The following CTTNBP2NL variants were observed in gnomAD, a reference collection of about 807,000 sequenced individuals.
CTTNBP2NL encodes CTTNBP2 N-terminal-like protein.
In CTTNBP2NL, 16 loss-of-function variants were observed where a neutral mutation model predicts 32.5. The ratio of observed to expected loss-of-function variants is 0.49; its 90% CI spans 0.33 to 0.75. CTTNBP2NL has a LOEUF of 0.75. Among genes scored for constraint, CTTNBP2NL ranks in the 30% least tolerant of loss-of-function variants. The pLI is 0.02. For missense variants in CTTNBP2NL, 645 were observed against 756.0 expected, an observed-to-expected ratio of 0.85 and a Z score of 1.72; for synonymous variants, 298 against 289.4, an observed-to-expected ratio of 1.03 and a Z score of -0.30.
intron 1 of CTTNBP2NL, among the ~76,000 whole-genome samples, chr1:112,408,327 GC>G (rs1648747579): frequency 7.0e-6 from 1 of 142,802 alleles, no homozygotes; most frequent in South Asian, 2.2e-4. Context: ...ACAGGCATAT[GC>G]CACTGCACCC....
At chr1:112,435,385 C>T (rs900479952) in intron 3 of CTTNBP2NL, among the ~76,000 whole-genome samples, 1 of 152,076 alleles carries the variant, frequency 6.6e-6, no homozygotes, top group Admixed American at 6.6e-5. Flanking sequence ...TTATTTACCA[C>T]TATATCCCAG....
At chr1:112,434,207 C>G (rs1394579952) in intron 3 of CTTNBP2NL, among the ~76,000 whole-genome samples, 1 of 152,158 alleles carries the variant, frequency 6.6e-6, no homozygotes, top group Non-Finnish European at 1.5e-5. Flanking sequence ...TGTTAACACC[C>G]AGATTTGTTA....
chr1:112,401,839 A>G (rs965776116), intron 1 of CTTNBP2NL, among the ~76,000 whole-genome samples: 2 of 152,202 alleles, frequency 1.3e-5, no homozygotes, highest in African/African-American at 2.4e-5. Flanking sequence ...CAGAACTTCC[A>G]ATCTAAATGT....
At chr1:112,413,919 G>T (rs1280595273) in intron 2 of CTTNBP2NL, among the ~76,000 whole-genome samples, 2 of 151,698 alleles carry the variant, frequency 1.3e-5, no homozygotes, top group Non-Finnish European at 2.9e-5. Flanking sequence ...ATGATGGCAT[G>T]TGCCTGTAAT....
Position 112,448,990 on chromosome 1 carries a change from A to T in CTTNBP2NL, c.148A>T (p.Ile50Phe). ...TGAAGAACGCTATGGAAAATATAACATCAGTGATCCTTTAATGGCTCTACA... is the reference window on the plus strand; with the variant it reads ...TGAAGAACGCTATGGAAAATATAACTTCAGTGATCCTTTAATGGCTCTACA... ...FIEERYGKYN[I>F]SDPLMALQRD... Residue 50 changes from isoleucine to phenylalanine, a missense_variant, in exon 4 of 6, where the codon ATC becomes TTC. By Grantham distance (21) the Ile-to-Phe change is conservative. Coordinates refer to ENST00000271277, the MANE Select transcript of CTTNBP2NL (RefSeq NM_018704.3). 6.2e-7 allele frequency: 1 copy of T among 1,613,558 alleles called. No homozygotes were observed. The highest frequency in any genetic ancestry group is 1.1e-5 in the South Asian group (1 of 91,070).
At position 112,456,121 on chromosome 1, in the gene CTTNBP2NL, A is replaced by T; in HGVS notation, c.629A>T (p.Glu210Val). 6.2e-7 allele frequency: 1 copy of T among 1,614,134 alleles called. No individual in the cohort carries two copies. Among genetic ancestry groups the T allele is most frequent in the Non-Finnish European group, 8.5e-7 (1 of 1,180,032 alleles). The change falls in exon 6 of 6, where the codon GAG becomes GTG. Residue 210 changes from glutamate (E) to valine (V), a missense_variant. Glu to Val is a moderately radical substitution (Grantham distance 121). Coordinates refer to ENST00000271277, the MANE Select transcript of CTTNBP2NL (RefSeq NM_018704.3). The part of the protein sequence containing the change: ...AGELSLKLEK[E>V]KSRVSKLEEE... The stretch of plus-strand genomic sequence containing the variant: ...GAGCTGAGCCTGAAATTGGAGAAGG[A>T]GAAGAGCCGGGTGAGTAAACTGGAA...
chr1:112,437,945 C>G (rs1335210438), intron 3 of CTTNBP2NL, among the ~76,000 whole-genome samples: 1 of 152,174 alleles, frequency 6.6e-6, no homozygotes, highest in African/African-American at 2.4e-5. Flanking sequence ...TGTGCAGAAG[C>G]CCTTAAGTAA....
rs115234506 is a variant in CTTNBP2NL, at chr1:112,397,827, C to T, written c.-134+1555C>T. 2.0e-3 allele frequency among the ~76,000 whole-genome samples: 304 copies of T among 152,278 alleles called. 1 individual carries two copies. Among genetic ancestry groups the T allele is most frequent in the African/African-American group, 7.0e-3 (289 of 41,554 alleles). On this transcript the variant is annotated intron_variant, in intron 1 of 5. Coordinates refer to ENST00000271277, the MANE Select transcript of CTTNBP2NL (RefSeq NM_018704.3). Reference sequence around the variant, plus strand: ...AATAAAATGCAAGGAGTTGGAATCACGGAGGGTGATTGTAATGACTGTTGT... The same window carrying T: ...AATAAAATGCAAGGAGTTGGAATCATGGAGGGTGATTGTAATGACTGTTGT...
chr1:112,409,372 C>T (rs1358131383), intron 1 of CTTNBP2NL, among the ~76,000 whole-genome samples: 1 of 151,930 alleles, frequency 6.6e-6, no homozygotes, highest in Non-Finnish European at 1.5e-5. Flanking sequence ...AGAATGCTCT[C>T]CTAGGTAAAA....
At chr1:112,454,816 T>G (rs1300619077) in intron 5 of CTTNBP2NL, among the ~76,000 whole-genome samples, 1 of 152,240 alleles carries the variant, frequency 6.6e-6, no homozygotes. Context: ...AATCTTTTAT[T>G]GGCATAGATC....
intron 3 of CTTNBP2NL, 26 bp downstream of exon 3, chr1:112,416,290 G>A (rs1295779414): frequency 1.6e-5 from 17 of 1,088,348 alleles, no homozygotes; most frequent in Non-Finnish European, 2.2e-5. Flanking sequence ...AAAAAAAAGA[G>A]GTCATCATAC....
intron 1 of CTTNBP2NL, among the ~76,000 whole-genome samples, chr1:112,399,288 C>G (rs893779008): frequency 2.5e-4 from 35 of 142,620 alleles, no homozygotes; most frequent in African/African-American, 9.4e-4. Context: ...CACTGCGCCC[C>G]GGCCTGGGAA....
chr1:112,429,827 AT>A (rs980466131), intron 3 of CTTNBP2NL, among the ~76,000 whole-genome samples: 2 of 152,244 alleles, frequency 1.3e-5, no homozygotes, highest in African/African-American at 4.8e-5. Context: ...ACTGTACTAA[AT>A]TCTTAAAAAA....
intron 3 of CTTNBP2NL, among the ~76,000 whole-genome samples, chr1:112,418,597 T>C (rs1230274481): frequency 6.6e-6 from 1 of 152,148 alleles, no homozygotes; most frequent in African/African-American, 2.4e-5. Flanking sequence ...TATGAACGTC[T>C]TTCCCTTTTA....
chr1:112,434,093 A>T (rs889392296), intron 3 of CTTNBP2NL, among the ~76,000 whole-genome samples: 1 of 152,190 alleles, frequency 6.6e-6, no homozygotes, highest in East Asian at 1.9e-4. Flanking sequence ...AATAATACAT[A>T]AAAAGATATT....
At chr1:112,447,109 T>TTAAAAAA (rs1650068568) in intron 3 of CTTNBP2NL, among the ~76,000 whole-genome samples, 2 of 151,340 alleles carry the variant, frequency 1.3e-5, no homozygotes, top group Non-Finnish European at 2.9e-5. Flanking sequence ...CCCGTCTCTA[T>TTAAAAAA]TAAAAAATAC....
chr1:112,437,588 A>G lies in CTTNBP2NL; in HGVS notation c.100-11354A>G, dbSNP rs144222907. ...ACCCAGGCTGGAGTGCAGTGGTGCC[A>G]TCTTGGCTCACTGCAACCTCTGCCT... On this transcript the variant is annotated intron_variant, in intron 3 of 5. Coordinates refer to ENST00000271277, the MANE Select transcript of CTTNBP2NL (RefSeq NM_018704.3). Among the ~76,000 whole-genome samples the G allele has an allele frequency of 3.3e-3, 500 of 152,192 alleles. 3 individuals carry two copies. The highest frequency in any genetic ancestry group is 0.012 in the African/African-American group (478 of 41,512).
chr1:112,410,380 A>G (rs1336073039), intron 1 of CTTNBP2NL, among the ~76,000 whole-genome samples: 1 of 144,502 alleles, frequency 6.9e-6, no homozygotes, highest in Non-Finnish European at 1.5e-5. Flanking sequence ...AATGAGAGCG[A>G]AACTCCATCT....
At chr1:112,429,379 G>T (rs780582547) in intron 3 of CTTNBP2NL, among the ~76,000 whole-genome samples, 1 of 152,214 alleles carries the variant, frequency 6.6e-6, no homozygotes, top group Non-Finnish European at 1.5e-5. Flanking sequence ...AGGCATGGTG[G>T]CACTTGCCTA....
Sources: allele counts gnomAD v4.1 joint callset (sites outside exome capture counted in the v4.1 genomes callset), GRCh38; gene constraint gnomAD v4.1.1; transcripts MANE v1.5; gene names NCBI Gene and HGNC (gene_info 2026-07-23, HGNC 2026-07-21).